The following STK39 variants were observed in gnomAD, a reference collection of about 807,000 sequenced individuals.
The protein encoded by STK39 is STE20/SPS1-related proline-alanine-rich protein kinase.
A neutral mutation model predicts 77.8 loss-of-function variants in STK39; 20 were observed. The observed-to-expected ratio is 0.26, with a 90% CI of 0.18 to 0.37. The LOEUF (loss-of-function observed/expected upper bound fraction) is 0.37, where lower values mean the gene tolerates loss of function less well. Ranked by LOEUF, STK39 falls within the 10% of genes least tolerant of loss-of-function variation. The pLI, the probability that STK39 is intolerant of heterozygous loss-of-function variation, is 1.00. For missense variants in STK39, 479 were observed against 656.5 expected (o/e 0.73, Z 2.95); for synonymous variants, 246 against 234.1 (o/e 1.05, Z -0.47).
intron 16 of STK39, among the ~76,000 whole-genome samples, chr2:168,009,314 G>T (rs979346809): frequency 6.6e-6 from 1 of 151,992 alleles, no homozygotes; most frequent in Non-Finnish European, 1.5e-5. Context: ...TGGTTAGAGG[G>T]AACAAGATCA....
chr2:168,048,966 G>T (rs1685322794), intron 14 of STK39, among the ~76,000 whole-genome samples: 1 of 152,236 alleles, frequency 6.6e-6, no homozygotes, highest in African/African-American at 2.4e-5. Flanking sequence ...AATGCCTAAT[G>T]CCTAATGCTA....
intron 16 of STK39, among the ~76,000 whole-genome samples, chr2:167,987,590 T>C (rs1248202049): frequency 6.6e-6 from 1 of 152,134 alleles, no homozygotes; most frequent in Non-Finnish European, 1.5e-5. Context: ...GAAATTCTAA[T>C]CAGATCCTAG....
chr2:167,970,562 A>G (rs1692306201), intron 16 of STK39, among the ~76,000 whole-genome samples: 1 of 152,248 alleles, frequency 6.6e-6, no homozygotes, highest in South Asian at 2.1e-4. Flanking sequence ...CCTGTTTTGG[A>G]AAGTTTCTAC....
intron 14 of STK39, among the ~76,000 whole-genome samples, chr2:168,023,321 G>A (rs528044075): frequency 3.2e-4 from 48 of 150,788 alleles, no homozygotes; most frequent in African/African-American, 9.1e-4. Context: ...ACAGATTGGC[G>A]TGCATTAAGT....
At chr2:168,041,256 A>G (rs2105352328) in intron 14 of STK39, among the ~76,000 whole-genome samples, 1 of 150,794 alleles carries the variant, frequency 6.6e-6, no homozygotes, top group South Asian at 2.1e-4. Context: ...TTGGAGAGGT[A>G]TTAATAATAT....
chr2:168,158,680 G>A (rs1173742309), intron 5 of STK39, among the ~76,000 whole-genome samples: 3 of 152,196 alleles, frequency 2.0e-5, no homozygotes, highest in African/African-American at 7.2e-5. Context: ...TATTCTACGT[G>A]TGACCTGGGC....
At chr2:167,975,786 T>C (rs1025401074) in intron 16 of STK39, among the ~76,000 whole-genome samples, 8 of 152,178 alleles carry the variant, frequency 5.3e-5, no homozygotes, top group African/African-American at 1.9e-4. Context: ...TGGTGGCTGG[T>C]AACCATCAGT....
intron 16 of STK39, among the ~76,000 whole-genome samples, chr2:167,976,128 C>T (rs1436676835): frequency 6.6e-6 from 1 of 152,190 alleles, no homozygotes; most frequent in East Asian, 1.9e-4. Flanking sequence ...TAGGGAAGGA[C>T]ACAGTATAGT....
At chr2:168,069,154 G>C (rs1685874567) in intron 12 of STK39, among the ~76,000 whole-genome samples, 1 of 152,140 alleles carries the variant, frequency 6.6e-6, no homozygotes, top group African/African-American at 2.4e-5. Context: ...CTGGCCTCAG[G>C]TGATCCACCC....
At chr2:168,177,881 T>G (rs1359926075) in intron 2 of STK39, among the ~76,000 whole-genome samples, 1 of 152,186 alleles carries the variant, frequency 6.6e-6, no homozygotes, top group African/African-American at 2.4e-5. Context: ...AAAAGTAAAC[T>G]GTCTAGTCAT....
chr2:168,012,737 C>A, intron 15 of STK39, 35 bp from the exon 16 acceptor site: 1 of 1,573,908 alleles, frequency 6.4e-7, no homozygotes, highest in African/African-American at 1.4e-5. Flanking sequence ...TATTAGTAAC[C>A]ATAACATAAA....
chr2:168,057,380 A>T (rs1685552224), intron 14 of STK39, among the ~76,000 whole-genome samples: 2 of 152,142 alleles, frequency 1.3e-5, no homozygotes, highest in Admixed American at 6.5e-5. Flanking sequence ...TTTAGTAGAG[A>T]CAGGGTTTCA....
At chr2:168,128,733 C>T (rs1348836749) in intron 10 of STK39, among the ~76,000 whole-genome samples, 1 of 152,120 alleles carries the variant, frequency 6.6e-6, no homozygotes, top group Non-Finnish European at 1.5e-5. Flanking sequence ...AGATACAATC[C>T]CTAAAGCACA....
intron 16 of STK39, among the ~76,000 whole-genome samples, chr2:167,983,072 C>A (rs997051250): frequency 3.9e-5 from 6 of 152,172 alleles, no homozygotes; most frequent in Non-Finnish European, 7.3e-5. Context: ...ATGAAAATAA[C>A]CTAGCAGCAT....
chr2:168,220,645 AT>A (rs1690145003), intron 1 of STK39, among the ~76,000 whole-genome samples: 1 of 152,202 alleles, frequency 6.6e-6, no homozygotes, highest in South Asian at 2.1e-4. Context: ...AGTCATTTCA[AT>A]TGCATCAAGA....
In STK39 at chr2:168,052,298, T is replaced by C. The variant is rs1447113767; in HGVS notation, c.1376+11202A>G. Among the ~76,000 whole-genome samples the C allele has an allele frequency of 3.3e-5, 5 of 152,234 alleles. No individual in the cohort carries two copies. In the South Asian group the frequency reaches 1.0e-3, roughly 32 times the overall value. ...TTTCCAGGACTCTCCACACCTTCTA[T>C]GAACTTTTGCTTTATTCTCATGAAT... On this transcript the variant is annotated intron_variant, in intron 14 of 17. Coordinates refer to ENST00000355999, the MANE Select transcript of STK39 (RefSeq NM_013233.3).
intron 17 of STK39, among the ~76,000 whole-genome samples, chr2:167,959,350 C>A (rs1013249329): frequency 5.3e-5 from 8 of 151,698 alleles, no homozygotes; most frequent in African/African-American, 1.9e-4. Flanking sequence ...TGGTCTCGAT[C>A]TCCTGACCTC....
At chr2:167,968,277 CA>C (rs1692217628) in intron 16 of STK39, among the ~76,000 whole-genome samples, 1 of 152,136 alleles carries the variant, frequency 6.6e-6, no homozygotes, top group South Asian at 2.1e-4. Flanking sequence ...TTTGGTAGAG[CA>C]ATTTATTTTC....
intron 1 of STK39, among the ~76,000 whole-genome samples, chr2:168,211,884 T>C (rs1014546502): frequency 6.6e-5 from 10 of 152,216 alleles, no homozygotes; most frequent in Non-Finnish European, 1.3e-4. Context: ...TAACTAAGTC[T>C]ATACCATAAT....
Sources: gnomAD v4.1 joint callset for allele counts (sites outside exome capture counted in the v4.1 genomes callset) on GRCh38, gnomAD v4.1.1 for gene constraint, MANE v1.5 for transcripts, NCBI Gene and HGNC (gene_info 2026-07-23, HGNC 2026-07-21) for gene names.